BMX: variants seen among roughly 807,000 people sequenced by gnomAD.
BMX encodes the protein BMX non-receptor tyrosine kinase, also known as cytoplasmic tyrosine-protein kinase BMX.
A neutral mutation model predicts 59.2 loss-of-function variants in BMX; 31 were observed. The ratio of observed to expected loss-of-function variants is 0.52; its 90% CI spans 0.39 to 0.71. The LOEUF is 0.71. Among genes scored for constraint, BMX ranks in the 30% least tolerant of loss-of-function variants. The pLI, the probability that BMX is intolerant of heterozygous loss-of-function variation, is 0.00. For missense variants in BMX, 474 were observed against 491.7 expected, an observed-to-expected ratio of 0.96 and a Z score of 0.34; for synonymous variants, 185 against 181.0, an observed-to-expected ratio of 1.02 and a Z score of -0.18.
At chrX:15,504,027 T>G (rs933664697) in intron 1 of BMX, among the ~76,000 whole-genome samples, 1 of 111,798 alleles carries the variant, frequency 8.9e-6, no homozygotes, top group African/African-American at 3.3e-5. Flanking sequence ...GCCTGGCACA[T>G]AGTGAGCCCT....
chrX:15,531,120 G>A (rs946498559), intron 10 of BMX, among the ~76,000 whole-genome samples: 3 of 109,992 alleles, frequency 2.7e-5, no homozygotes, highest in Non-Finnish European at 5.7e-5. Flanking sequence ...TAAGTGATAG[G>A]GTTAAATATT....
At chrX:15,516,897 A>G (rs1022833712) in intron 5 of BMX, among the ~76,000 whole-genome samples, 2 of 111,398 alleles carry the variant, frequency 1.8e-5, no homozygotes, top group Non-Finnish European at 3.8e-5. Context: ...AAAGTTTATA[A>G]TTATTTAACA....
At chrX:15,507,892 T>C (rs1923799531) in intron 1 of BMX, among the ~76,000 whole-genome samples, 1 of 111,870 alleles carries the variant, frequency 8.9e-6, no homozygotes, top group African/African-American at 3.3e-5. Flanking sequence ...TTATTTACAA[T>C]AATGTCAGTG....
At chrX:15,519,377 A>T (rs757225300) in intron 6 of BMX, among the ~76,000 whole-genome samples, 2 of 112,465 alleles carry the variant, frequency 1.8e-5, no homozygotes, top group South Asian at 3.7e-4. Flanking sequence ...CCCAAATTTC[A>T]TATCCATGTA....
At chrX:15,512,180 G>A (rs773304599) in intron 4 of BMX, among the ~76,000 whole-genome samples, 125 of 111,180 alleles carry the variant, frequency 1.1e-3, no homozygotes, top group Non-Finnish European at 2.0e-3. Context: ...TGTTTAGGCC[G>A]CCCTGGTAAC....
intron 18 of BMX, among the ~76,000 whole-genome samples, chrX:15,550,386 C>T (rs1217336962): frequency 2.7e-5 from 3 of 110,616 alleles, no homozygotes; most frequent in Non-Finnish European, 5.7e-5. Context: ...TTAACTGCAA[C>T]ACTATGGAGC....
intron 16 of BMX, among the ~76,000 whole-genome samples, chrX:15,546,204 G>C (rs1013789568): frequency 8.9e-6 from 1 of 111,767 alleles, no homozygotes; most frequent in Non-Finnish European, 1.9e-5. Flanking sequence ...CATGTATTTT[G>C]GTCTTGATAT....
At chrX:15,518,874 G>A (rs1469251055) in intron 6 of BMX, among the ~76,000 whole-genome samples, 4 of 112,046 alleles carry the variant, frequency 3.6e-5, no homozygotes, top group African/African-American at 1.3e-4. Flanking sequence ...AGATCCATAT[G>A]TAGTTTTATG....
intron 2 of BMX, 102 bp from the exon 3 acceptor site, chrX:15,509,227 C>A: frequency 1.2e-5 from 1 of 85,369 alleles, no homozygotes. Flanking sequence ...TTGCCCACCC[C>A]CCACCCCAAT....
chrX:15,549,804 C>A lies in BMX; in HGVS notation c.1796-36C>A, dbSNP rs372194750. 3.1e-5 allele frequency: 36 copies of A among 1,178,510 alleles called. No homozygotes were observed. The African/African-American group carries it at 5.5e-4, about 18-fold the overall frequency. On this transcript the variant is annotated intron_variant, in intron 17 of 18. Transcript: ENST00000348343. ...TGTACTTTCTGATAACAGCTCTCTT[C>A]CTTTTTTATCTGGGCCACCTCTTGG...
At chrX:15,526,863 G>A (rs1924761316) in intron 9 of BMX, among the ~76,000 whole-genome samples, 1 of 110,715 alleles carries the variant, frequency 9.0e-6, no homozygotes, top group Non-Finnish European at 1.9e-5. Flanking sequence ...TGGGATTACA[G>A]GCGTGAGCCA....
chrX:15,552,573 G>T (rs1469167980), intron 18 of BMX, among the ~76,000 whole-genome samples: 1 of 112,115 alleles, frequency 8.9e-6, no homozygotes, highest in African/African-American at 3.2e-5. Flanking sequence ...TCTCTAGAAA[G>T]CCATCTTTGA....
chrX:15,553,348 G>A (rs967658426), intron 18 of BMX, among the ~76,000 whole-genome samples: 4 of 111,560 alleles, frequency 3.6e-5, no homozygotes, highest in African/African-American at 1.3e-4. Flanking sequence ...GATTGTACTT[G>A]CTGGGCTATC....
rs906379899 is a variant in BMX, at chrX:15,552,289, T to C, written c.1953+2292T>C. Among the ~76,000 whole-genome samples the C allele has an allele frequency of 1.8e-5, 2 of 112,105 alleles. 1 individual carries two copies. The highest frequency in any genetic ancestry group is 5.6e-4 in the East Asian group (2 of 3,590). On this transcript the variant is annotated intron_variant, in intron 18 of 18. Coordinates refer to ENST00000348343, the MANE Select transcript of BMX (RefSeq NM_203281.3). ...CAGTTGATTTTGTAGAGAGTATTGG[T>C]CCATAGGGAGAAACTGTGGTCCTTT...
intron 16 of BMX, 36 bp downstream of exon 16, chrX:15,543,171 G>A: frequency 3.5e-6 from 4 of 1,147,160 alleles, no homozygotes; most frequent in Non-Finnish European, 4.8e-6. Flanking sequence ...AGTGAAAGGG[G>A]GATTTCCATT....
chrX:15,501,492 C>T (rs1197182291), intron 1 of BMX, among the ~76,000 whole-genome samples: 1 of 112,348 alleles, frequency 8.9e-6, no homozygotes, highest in Non-Finnish European at 1.9e-5. Flanking sequence ...TGCAGTTGTA[C>T]TCATATCCAT....
At chrX:15,550,052 T>C in intron 18 of BMX, 55 bp downstream of exon 18, 5 of 1,142,740 alleles carry the variant, frequency 4.4e-6, no homozygotes, top group Non-Finnish European at 5.9e-6. Context: ...CCGGGGTGAT[T>C]ACTGCATCAC....
intron 6 of BMX, among the ~76,000 whole-genome samples, chrX:15,520,040 G>C (rs1464165527): frequency 8.9e-6 from 1 of 111,923 alleles, no homozygotes; most frequent in Admixed American, 9.4e-5. Context: ...ACCACCAGAA[G>C]CTGGAAGAGG....
intron 5 of BMX, among the ~76,000 whole-genome samples, chrX:15,517,637 C>A (rs964742456): frequency 8.9e-6 from 1 of 112,501 alleles, no homozygotes; most frequent in African/African-American, 3.2e-5. Context: ...GCTTCTTCTG[C>A]TGAGCTACTG....
Sources: gnomAD v4.1 joint callset for allele counts (sites outside exome capture counted in the v4.1 genomes callset) on GRCh38, gnomAD v4.1.1 for gene constraint, MANE v1.5 for transcripts, NCBI Gene and HGNC (gene_info 2026-07-23, HGNC 2026-07-21) for gene names.